The following CNTN1 variants were observed in gnomAD, a reference collection of about 807,000 sequenced individuals.
The protein encoded by CNTN1 is contactin-1.
A neutral mutation model predicts 126.4 loss-of-function variants in CNTN1; 38 were observed. That is an observed-to-expected ratio of 0.30 (90% CI 0.23 to 0.39). The LOEUF is 0.39. Ranked by LOEUF, CNTN1 falls within the 10% of genes least tolerant of loss-of-function variation. The pLI is 1.00. For missense variants in CNTN1, 1,009 were observed against 1,248.4 expected (o/e 0.81, Z 2.89); for synonymous variants, 413 against 422.6 (o/e 0.98, Z 0.28).
At chr12:40,990,389 T>C (rs1221351242) in intron 16 of CNTN1, among the ~76,000 whole-genome samples, 1 of 152,158 alleles carries the variant, frequency 6.6e-6, no homozygotes, top group East Asian at 1.9e-4. Flanking sequence ...GTTTTATGCG[T>C]CTTTGGACCA....
intron 23 of CNTN1, among the ~76,000 whole-genome samples, chr12:41,058,970 C>T (rs781431799): frequency 6.6e-6 from 1 of 152,124 alleles, no homozygotes; most frequent in Non-Finnish European, 1.5e-5. Flanking sequence ...TGAATTTGGA[C>T]AATTTCTTAT....
At chr12:40,999,697 C>CTTTTTTTTTTTTTTTTT (rs398019220) in intron 17 of CNTN1, among the ~76,000 whole-genome samples, 8 of 86,646 alleles carry the variant, frequency 9.2e-5, no homozygotes, top group Non-Finnish European at 1.5e-4. Context: ...TTCTTCTGTG[C>CTTTTTTTTTTTTTTTTT]TTTTTTTTTT....
intron 23 of CNTN1, among the ~76,000 whole-genome samples, chr12:41,046,409 T>TG (rs1390441014): frequency 3.3e-5 from 5 of 152,172 alleles, no homozygotes; most frequent in African/African-American, 9.7e-5. Context: ...TTTCAGCTGT[T>TG]GAAGTATTAC....
chr12:40,713,229 T>G (rs1244879038), intron 1 of CNTN1, among the ~76,000 whole-genome samples: 2 of 151,696 alleles, frequency 1.3e-5, no homozygotes, highest in East Asian at 3.9e-4. Flanking sequence ...GCTTTTTTTT[T>G]TTTACTGCTT....
chr12:40,824,835 G>A (rs540705287), intron 1 of CNTN1, among the ~76,000 whole-genome samples: 38 of 152,190 alleles, frequency 2.5e-4, no homozygotes, highest in African/African-American at 6.5e-4. Context: ...AAATGATAAT[G>A]CCAATGTTTC....
chr12:41,010,349 C>T (rs56333303), intron 17 of CNTN1, among the ~76,000 whole-genome samples: 9,370 of 152,246 alleles, frequency 0.062, 506 homozygotes, highest in Admixed American at 0.16. Context: ...TTTTTTCTTG[C>T]TGCCTGGGCA....
chr12:41,028,207 T>A (rs1949074904), intron 22 of CNTN1, among the ~76,000 whole-genome samples: 1 of 152,108 alleles, frequency 6.6e-6, no homozygotes, highest in Non-Finnish European at 1.5e-5. Flanking sequence ...AATTTTTGTA[T>A]TTTTAGTAGA....
At chr12:40,895,510 G>C (rs1345141382) in intron 1 of CNTN1, among the ~76,000 whole-genome samples, 1 of 152,058 alleles carries the variant, frequency 6.6e-6, no homozygotes, top group African/African-American at 2.4e-5. Context: ...TGTGGTGAAG[G>C]GACTGCGTGT....
intron 6 of CNTN1, among the ~76,000 whole-genome samples, chr12:40,926,608 T>C: frequency 6.6e-6 from 1 of 152,080 alleles, no homozygotes; most frequent in East Asian, 1.9e-4. Context: ...CTCTGGTTAC[T>C]GTTTTAAGAA....
chr12:40,747,840 C>CA (rs1326611298), intron 1 of CNTN1, among the ~76,000 whole-genome samples: 2 of 152,032 alleles, frequency 1.3e-5, no homozygotes, highest in East Asian at 3.9e-4. Context: ...TTACAAGCAA[C>CA]AAAAAACTAC....
chr12:41,025,175 A>G lies in CNTN1; in HGVS notation c.2549A>G (p.Lys850Arg), dbSNP rs2120816812. ...ATTCGGTATTGGGCTGCCCATGACA[A>G]AGAAGAAGCTGCAAACAGAGTTCAA... ...YQIRYWAAHD[K>R]EEAANRVQVT... is the part of the protein sequence containing the mutation. Residue 850 changes from lysine (K) to arginine (R), a missense_variant, in exon 21 of 24, where the codon AAA becomes AGA. By Grantham distance (26) the Lys-to-Arg change is conservative (BLOSUM62 2). Transcript: ENST00000551295. 6.2e-7 allele frequency: 1 copy of G among 1,613,896 alleles called. No homozygotes were observed. The highest frequency in any genetic ancestry group is 8.5e-7 in the Non-Finnish European group (1 of 1,179,870).
chr12:40,832,882 C>A (rs1241992572), intron 1 of CNTN1, among the ~76,000 whole-genome samples: 3 of 152,086 alleles, frequency 2.0e-5, no homozygotes, highest in African/African-American at 7.2e-5. Flanking sequence ...AGACAAGTGA[C>A]AAATGAAATT....
chr12:40,855,094 C>G (rs1942855671), intron 1 of CNTN1, among the ~76,000 whole-genome samples: 1 of 152,060 alleles, frequency 6.6e-6, no homozygotes, highest in African/African-American at 2.4e-5. Context: ...TGAGGCATGA[C>G]TGTGAAGCAG....
At position 41,019,079 on chromosome 12, in the gene CNTN1, C is replaced by T. The variant is rs142765656; in HGVS notation, c.2420-1258C>T. Among the ~76,000 whole-genome samples the T allele has an allele frequency of 8.9e-3, 1,355 of 152,242 alleles. 18 individuals are homozygous for T. The highest frequency in any genetic ancestry group is 0.032 in the African/African-American group (1,317 of 41,532). ...GCTGAGGCAGGAGAATCACTTGAAC[C>T]TGGGAGGTGGAGGTTGTGGTGAACC... On this transcript the variant is annotated intron_variant, in intron 19 of 23. Coordinates refer to ENST00000551295, the MANE Select transcript of CNTN1 (RefSeq NM_001843.4).
intron 1 of CNTN1, among the ~76,000 whole-genome samples, chr12:40,748,612 C>A (rs999689774): frequency 6.6e-6 from 1 of 152,080 alleles, no homozygotes; most frequent in African/African-American, 2.4e-5. Context: ...ATTTAAAACA[C>A]AATGTAAAAT....
At position 40,754,350 on chromosome 12, in the gene CNTN1, C is replaced by CCCTTTT. The variant is rs1938520030; in HGVS notation, c.-77+61758_-77+61759insCCTTTT. Among the ~76,000 whole-genome samples the CCCTTTT allele has an allele frequency of 7.9e-5, 12 of 152,094 alleles. 1 individual carries two copies. Among genetic ancestry groups the CCCTTTT allele is most frequent in the Admixed American group, 7.2e-4 (11 of 15,260 alleles). On this transcript the variant is annotated intron_variant, in intron 1 of 23. Transcript: ENST00000551295. The stretch of plus-strand genomic sequence containing the variant: ...TGTTCAAGTCCCTTTTATGAAATGA[C>CCCTTTT]ATGGTATTTTCATATAACCAATGCA...
chr12:40,825,237 C>T (rs1477324193), intron 1 of CNTN1, among the ~76,000 whole-genome samples: 8 of 151,964 alleles, frequency 5.3e-5, no homozygotes, highest in Admixed American at 5.3e-4. Context: ...AAATCTTCTC[C>T]CACAGTACTT....
At chr12:40,974,771 T>C (rs1296174681) in intron 15 of CNTN1, among the ~76,000 whole-genome samples, 1 of 152,116 alleles carries the variant, frequency 6.6e-6, no homozygotes, top group Non-Finnish European at 1.5e-5. Flanking sequence ...GGAAAAATAA[T>C]AGCACTTACA....
chr12:40,744,319 AG>A (rs1938085476), intron 1 of CNTN1, among the ~76,000 whole-genome samples: 1 of 112,336 alleles, frequency 8.9e-6, no homozygotes, highest in Admixed American at 7.9e-5. Context: ...AAAAAATAAA[AG>A]AACAAAACAA....
Sources: allele counts gnomAD v4.1 joint callset (sites outside exome capture counted in the v4.1 genomes callset), GRCh38; gene constraint gnomAD v4.1.1; transcripts MANE v1.5; gene names NCBI Gene and HGNC (gene_info 2026-07-23, HGNC 2026-07-21).